Variants in REEP5 observed in about 807,000 individuals in gnomAD.
REEP5 encodes the protein receptor accessory protein 5, also known as receptor expression-enhancing protein 5.
REEP5 carries 24 observed loss-of-function variants against 22.4 expected under a neutral mutation model. That is an observed-to-expected ratio of 1.07 (90% confidence interval 0.78 to 1.51). The LOEUF is 1.51. Ranked by LOEUF, REEP5 falls within the 40% of genes most tolerant of loss-of-function variation. REEP5 has a pLI of 0.00. For synonymous variants in REEP5, 103 were observed against 88.6 expected (o/e 1.16, Z -0.92); for missense variants, 252 against 233.0 (o/e 1.08, Z -0.53).
At chr5:112,879,616 T>A (rs1008856812) in intron 4 of REEP5, among the ~76,000 whole-genome samples, 1 of 151,940 alleles carries the variant, frequency 6.6e-6, no homozygotes, top group South Asian at 2.1e-4. Context: ...TGGGACTACA[T>A]GCACTCACCA....
Position 112,890,297 on chromosome 5 carries a change from CAAA to C in REEP5, c.352-3117_352-3115del, listed in dbSNP as rs1349710141. ...ACAGCAAGACCCTGTCTCAAAAAGA[CAAA>C]AAAAAGTTGATATATAAAACAACCT... is the stretch of plus-strand genomic sequence containing the variant. On this transcript the variant is annotated intron_variant, in intron 3 of 4. Transcript: ENST00000379638. 2.1e-5 allele frequency among the ~76,000 whole-genome samples: 3 copies of C among 142,388 alleles called. No individual in the cohort carries two copies. In the East Asian group the frequency reaches 6.5e-4, roughly 31 times the overall value. 93.4% of individuals were successfully genotyped at this position (142,388 alleles called of 152,430 possible). A position where few individuals can be genotyped will look rare whatever the true frequency, so the allele number is the denominator to read the frequency against.
intron 2 of REEP5, among the ~76,000 whole-genome samples, chr5:112,910,691 A>G (rs1769083257): frequency 6.6e-6 from 1 of 152,192 alleles, no homozygotes; most frequent in South Asian, 2.1e-4. Context: ...CTGCTGAATG[A>G]TGGTCACCAG....
At chr5:112,901,643 C>A (rs1025233751) in intron 3 of REEP5, among the ~76,000 whole-genome samples, 1 of 149,922 alleles carries the variant, frequency 6.7e-6, no homozygotes, top group African/African-American at 2.5e-5. Context: ...ACCCAGGATG[C>A]GGAGGTTGCA....
intron 4 of REEP5, chr5:112,885,551 T>C (rs1768217561): frequency 8.2e-6 from 2 of 245,300 alleles, no homozygotes; most frequent in Admixed American, 4.2e-5. Context: ...AAACATCAAC[T>C]ACCTTCCCAG....
chr5:112,901,417 G>C (rs890148412), intron 3 of REEP5, among the ~76,000 whole-genome samples: 1 of 152,080 alleles, frequency 6.6e-6, no homozygotes, highest in East Asian at 1.9e-4. Flanking sequence ...AAATTAGATG[G>C]TCAGATTGAG....
Position 112,921,978 on chromosome 5 carries a change from C to T in REEP5, c.118+95G>A, listed in dbSNP as rs187460680. 170 of 1,436,168 alleles carry T rather than the reference C, an allele frequency of 1.2e-4. 1 individual carries two copies. In the East Asian group the frequency reaches 3.7e-3, roughly 31 times the overall value. The allele number at this position is 1,436,168 out of a possible 1,614,324, so 89.0% of individuals were successfully genotyped here. On this transcript the variant is annotated intron_variant, in intron 1 of 4. Coordinates refer to ENST00000379638, the MANE Select transcript of REEP5 (RefSeq NM_005669.5). ...CTTGTCCCGTCTGTCTCCGACTCCA[C>T]CTTTCCCGAGTCCTCTCCCTGCTTC...
intron 1 of REEP5, 114 bp downstream of exon 1, chr5:112,921,959 C>T (rs1769382812): frequency 1.5e-6 from 2 of 1,307,470 alleles, no homozygotes; most frequent in Non-Finnish European, 1.0e-6. Flanking sequence ...GCTGCTTGTC[C>T]CGTCTGTCTC....
intron 3 of REEP5, among the ~76,000 whole-genome samples, chr5:112,899,382 C>G (rs1467330227): frequency 1.3e-5 from 2 of 152,056 alleles, no homozygotes; most frequent in Non-Finnish European, 2.9e-5. Context: ...TGGCCTCAAG[C>G]AGTCCTTCTG....
At position 112,904,825 on chromosome 5, in the gene REEP5, G is replaced by GA. The variant is rs941114601; in HGVS notation, c.213-2308dup. 1.7e-4 allele frequency among the ~76,000 whole-genome samples: 26 copies of GA among 151,110 alleles called. No individual in the cohort carries two copies. The East Asian group carries it at 4.1e-3, about 24-fold the overall frequency. On this transcript the variant is annotated intron_variant, in intron 2 of 4. Transcript: ENST00000379638. ...AAGCCTAACAGTTCAGCTCTTCTAG[G>GA]AAAAAAAAATTCTTTTTTAATTCAT... is the stretch of plus-strand genomic sequence containing the variant.
intron 2 of REEP5, among the ~76,000 whole-genome samples, chr5:112,908,108 T>TG (rs1561657687): frequency 6.1e-5 from 9 of 147,090 alleles, no homozygotes; most frequent in African/African-American, 1.0e-4. Context: ...TTTGTTTTTT[T>TG]TTTTTTTTTT....
At chr5:112,882,011 A>G (rs1395676219) in intron 4 of REEP5, 5 of 152,652 alleles carry the variant, frequency 3.3e-5, no homozygotes, top group East Asian at 1.9e-4. Context: ...AGCTCAAGCA[A>G]TCCACCCACC....
chr5:112,916,123 T>A (rs758975912), intron 2 of REEP5, among the ~76,000 whole-genome samples: 2 of 152,250 alleles, frequency 1.3e-5, no homozygotes, highest in African/African-American at 2.4e-5. Context: ...GCAAGTAGAC[T>A]GCAACTCTTT....
At chr5:112,889,271 A>G (rs1384646759) in intron 3 of REEP5, among the ~76,000 whole-genome samples, 1 of 150,870 alleles carries the variant, frequency 6.6e-6, no homozygotes, top group Non-Finnish European at 1.5e-5. Flanking sequence ...ATAGGACTAA[A>G]TTTTTTATAA....
At chr5:112,900,058 G>T (rs1311364019) in intron 3 of REEP5, among the ~76,000 whole-genome samples, 3 of 152,108 alleles carry the variant, frequency 2.0e-5, no homozygotes, top group Non-Finnish European at 4.4e-5. Flanking sequence ...TAAAATATCT[G>T]CCAGTTTAAT....
At chr5:112,916,703 C>G (rs1769240500) in intron 2 of REEP5, among the ~76,000 whole-genome samples, 2 of 152,100 alleles carry the variant, frequency 1.3e-5, no homozygotes, top group African/African-American at 4.8e-5. Flanking sequence ...CAAAGAGCCA[C>G]AAGGGAGGTA....
In REEP5 at chr5:112,919,288, C is replaced by T. The variant is rs183956189; in HGVS notation, c.212+1875G>A. Among the ~76,000 whole-genome samples, 338 of 152,268 alleles carry T rather than the reference C, an allele frequency of 2.2e-3. 1 individual carries two copies. Among genetic ancestry groups the T allele is most frequent in the African/African-American group, 7.8e-3 (326 of 41,556 alleles). On this transcript the variant is annotated intron_variant, in intron 2 of 4. Transcript: ENST00000379638. ...CTTGGCCAGGTGTGGTAGCTCACGCCTGTAATCCCAGTACTTTGGGAGGCT... is the reference window on the plus strand; with the variant it reads ...CTTGGCCAGGTGTGGTAGCTCACGCTTGTAATCCCAGTACTTTGGGAGGCT...
Position 112,922,217 on chromosome 5 carries a change from C to T in REEP5, c.-27G>A. ...GCGGGGACCGTCTCGCCGCTCGGGG[C>T]TGTTCCTAGTGCCGGATAGACTGGA... On this transcript the variant is annotated 5_prime_UTR_variant, in exon 1 of 5. Transcript: ENST00000379638. The T allele has an allele frequency of 6.3e-7, 1 of 1,595,064 alleles. No homozygotes were observed. The highest frequency in any genetic ancestry group is 1.1e-5 in the South Asian group (1 of 88,712).
At chr5:112,891,873 G>C in intron 3 of REEP5, 1 of 1,451,722 alleles carries the variant, frequency 6.9e-7, no homozygotes, top group Non-Finnish European at 9.7e-7. Context: ...GATTACATGA[G>C]GAGTGGTTGC....
At chr5:112,918,266 A>G (rs1194844945) in intron 2 of REEP5, among the ~76,000 whole-genome samples, 1 of 152,174 alleles carries the variant, frequency 6.6e-6, no homozygotes, top group East Asian at 1.9e-4. Context: ...GAAGAGGGGT[A>G]TACAATAAGG....
Sources: gnomAD v4.1 joint callset for allele counts (sites outside exome capture counted in the v4.1 genomes callset) on GRCh38, gnomAD v4.1.1 for gene constraint, MANE v1.5 for transcripts, NCBI Gene and HGNC (gene_info 2026-07-23, HGNC 2026-07-21) for gene names.